CDKAL1: variants seen among roughly 807,000 people sequenced by gnomAD.
The protein encoded by CDKAL1 is CDKAL1 threonylcarbamoyladenosine tRNA methylthiotransferase.
A neutral mutation model predicts 68.2 loss-of-function variants in CDKAL1; 32 were observed. That is an observed-to-expected ratio of 0.47 (90% CI 0.35 to 0.63). CDKAL1 has a LOEUF of 0.63. CDKAL1 is among the 30% of genes least tolerant of loss of function. The pLI is 0.00. For synonymous variants in CDKAL1, 234 were observed against 244.3 expected, an observed-to-expected ratio of 0.96 and a Z score of 0.39; for missense variants, 606 against 696.7, an observed-to-expected ratio of 0.87 and a Z score of 1.47.
At chr6:21,170,032 G>A (rs1306892225) in intron 13 of CDKAL1, among the ~76,000 whole-genome samples, 7 of 150,848 alleles carry the variant, frequency 4.6e-5, no homozygotes, top group African/African-American at 7.3e-5. Context: ...CAGCCAAACC[G>A]TATCAGTAGA....
At chr6:21,133,771 A>G (rs1237624053) in intron 13 of CDKAL1, among the ~76,000 whole-genome samples, 2 of 152,202 alleles carry the variant, frequency 1.3e-5, no homozygotes, top group Non-Finnish European at 2.9e-5. Flanking sequence ...CGACCCATTA[A>G]TGCTGTTTTT....
intron 5 of CDKAL1, among the ~76,000 whole-genome samples, chr6:20,713,151 C>T (rs559736543): frequency 6.6e-6 from 1 of 152,264 alleles, no homozygotes; most frequent in Non-Finnish European, 1.5e-5. Context: ...AGAGACTTTA[C>T]CCTCTGATGT....
intron 12 of CDKAL1, among the ~76,000 whole-genome samples, chr6:21,096,402 C>T (rs1287259971): frequency 2.0e-5 from 3 of 152,266 alleles, no homozygotes; most frequent in South Asian, 2.1e-4. Flanking sequence ...ACTCTGTTTT[C>T]GCAATACTGG....
intron 12 of CDKAL1, among the ~76,000 whole-genome samples, chr6:21,075,090 A>T (rs1191117524): frequency 1.4e-5 from 2 of 147,908 alleles, no homozygotes; most frequent in Non-Finnish European, 3.0e-5. Context: ...ATGAAAGTAG[A>T]TGCTAACCCA....
chr6:21,004,769 A>C (rs534954327), intron 11 of CDKAL1, among the ~76,000 whole-genome samples: 208 of 152,216 alleles, frequency 1.4e-3, no homozygotes, highest in African/African-American at 4.7e-3. Flanking sequence ...GTTCCAGACC[A>C]GCCTGTGAGA....
At chr6:20,780,277 T>G (rs1775362836) in intron 7 of CDKAL1, among the ~76,000 whole-genome samples, 1 of 152,174 alleles carries the variant, frequency 6.6e-6, no homozygotes, top group Non-Finnish European at 1.5e-5. Context: ...TTACAAATGT[T>G]TTAATGGCTC....
chr6:20,761,903 ATGTAAAC>A (rs1774485054), intron 7 of CDKAL1, among the ~76,000 whole-genome samples: 1 of 152,148 alleles, frequency 6.6e-6, no homozygotes, highest in Admixed American at 6.6e-5. Context: ...GTGAACCCTA[ATGTAAAC>A]TGTGGACTCT....
intron 10 of CDKAL1, among the ~76,000 whole-genome samples, chr6:20,958,424 A>G (rs1050314720): frequency 2.0e-5 from 3 of 152,272 alleles, no homozygotes; most frequent in South Asian, 2.1e-4. Flanking sequence ...GAAGGCTTAC[A>G]TGGCTTCCCA....
chr6:20,894,361 G>A (rs1168007273), intron 9 of CDKAL1, among the ~76,000 whole-genome samples: 1 of 145,962 alleles, frequency 6.9e-6, no homozygotes, highest in African/African-American at 2.5e-5. Flanking sequence ...GAACTTGGAA[G>A]AATTAACCTC....
At chr6:21,018,981 G>A (rs1057133294) in intron 11 of CDKAL1, among the ~76,000 whole-genome samples, 1 of 151,868 alleles carries the variant, frequency 6.6e-6, no homozygotes, top group African/African-American at 2.4e-5. Flanking sequence ...ACAGAGTCTC[G>A]CTCTGTCACC....
At chr6:21,025,938 C>T (rs1768931444) in intron 11 of CDKAL1, among the ~76,000 whole-genome samples, 1 of 152,028 alleles carries the variant, frequency 6.6e-6, no homozygotes, top group Non-Finnish European at 1.5e-5. Context: ...ATTTGTATTC[C>T]ATTTCTCCCA....
intron 9 of CDKAL1, among the ~76,000 whole-genome samples, chr6:20,909,969 A>G (rs1276413070): frequency 1.3e-5 from 2 of 152,220 alleles, no homozygotes; most frequent in African/African-American, 4.8e-5. Context: ...GAAGATAAGC[A>G]TTATTTGTAG....
chr6:20,647,492 T>C (rs748143784), intron 4 of CDKAL1, among the ~76,000 whole-genome samples: 48 of 152,228 alleles, frequency 3.2e-4, no homozygotes, highest in South Asian at 6.2e-4. Flanking sequence ...TCTGTTGGGA[T>C]TTGAACGTTC....
intron 8 of CDKAL1, among the ~76,000 whole-genome samples, chr6:20,829,219 A>G (rs186142963): frequency 1.3e-5 from 2 of 152,356 alleles, no homozygotes; most frequent in Admixed American, 6.5e-5. Context: ...GGATTTAACC[A>G]GAGATGGCTA....
intron 12 of CDKAL1, among the ~76,000 whole-genome samples, chr6:21,088,469 A>G (rs114877496): frequency 1.6e-4 from 24 of 152,362 alleles, no homozygotes; most frequent in African/African-American, 5.5e-4. Context: ...ATTATTTATA[A>G]TGGGAAAAGA....
chr6:20,998,296 C>T (rs533729188), intron 10 of CDKAL1, among the ~76,000 whole-genome samples: 23 of 152,232 alleles, frequency 1.5e-4, no homozygotes, highest in African/African-American at 4.6e-4. Context: ...CGCCCAGCTC[C>T]AAGTGTGCAG....
chr6:20,947,255 A>G (rs1371201778), intron 9 of CDKAL1, among the ~76,000 whole-genome samples: 1 of 152,232 alleles, frequency 6.6e-6, no homozygotes, highest in Non-Finnish European at 1.5e-5. Context: ...TGATGGGGTC[A>G]CATCCCAGTA....
Position 21,198,103 on chromosome 6 carries a change from A to C in CDKAL1, c.1382A>C (p.Gln461Pro). The stretch of plus-strand genomic sequence containing the variant: ...GTTGCACACAATCAATTCTATGAGC[A>C]GGTAAGAGGCACTTCAGTATTCTTG... ...FYVAHNQFYE[Q>P]VLVPKNPAFM... The change falls in exon 14 of 16, where the codon CAG becomes CCG. Residue 461 changes from glutamine to proline, a missense_variant and splice_region_variant. By Grantham distance (76) the Gln-to-Pro change is moderately conservative. Transcript: ENST00000274695. 6.3e-7 allele frequency: 1 copy of C among 1,590,684 alleles called. No individual in the cohort carries two copies.
chr6:21,099,317 C>T (rs1376952215), intron 12 of CDKAL1, among the ~76,000 whole-genome samples: 1 of 152,074 alleles, frequency 6.6e-6, no homozygotes, highest in Non-Finnish European at 1.5e-5. Context: ...GAAAAGCAAC[C>T]GTGGACAATG....
Sources: allele counts gnomAD v4.1 joint callset (sites outside exome capture counted in the v4.1 genomes callset), GRCh38; gene constraint gnomAD v4.1.1; transcripts MANE v1.5; gene names NCBI Gene and HGNC (gene_info 2026-07-23, HGNC 2026-07-21).